The following EZR variants were observed in gnomAD, a reference collection of about 807,000 sequenced individuals.
EZR encodes the protein cytovillin 2.
A neutral mutation model predicts 74.8 loss-of-function variants in EZR; 40 were observed. The ratio of observed to expected loss-of-function variants is 0.53; its 90% CI spans 0.42 to 0.70. The LOEUF is 0.70. Among genes scored for constraint, EZR ranks in the 30% least tolerant of loss-of-function variants. EZR has a pLI of 0.00. For missense variants in EZR, 678 were observed against 755.8 expected (o/e 0.90, Z 1.21); for synonymous variants, 341 against 283.3 (o/e 1.20, Z -2.05).
chr6:158,786,375 AAAC>A lies in EZR; in HGVS notation c.192+730_192+732del, dbSNP rs368719176. ...GGCGACAGAGCAAGACTCCATCTCA[AAAC>A]AACAACAACAAAAAACAAACAAGTA... On this transcript the variant is annotated intron_variant, in intron 4 of 13. Coordinates refer to ENST00000367075, the MANE Select transcript of EZR (RefSeq NM_001111077.2). 6.3e-3 allele frequency among the ~76,000 whole-genome samples: 956 copies of A among 152,342 alleles called. 5 individuals are homozygous for A. Among genetic ancestry groups the A allele is most frequent in the Middle Eastern group, 0.024 (7 of 294 alleles).
intron 8 of EZR, among the ~76,000 whole-genome samples, chr6:158,775,034 CTTT>C (rs397732491): frequency 4.9e-5 from 6 of 121,536 alleles, no homozygotes; most frequent in Admixed American, 9.0e-5. Flanking sequence ...AGCAGGAGCC[CTTT>C]TTTTTTTTTT....
chr6:158,780,119 G>T (rs1373652798), intron 7 of EZR, among the ~76,000 whole-genome samples: 1 of 149,992 alleles, frequency 6.7e-6, no homozygotes, highest in African/African-American at 2.5e-5. Context: ...GGAGGCAGAG[G>T]TTACAGTGAG....
rs2128564709 is a variant in EZR at position 158,769,777 on chromosome 6, T to C, written c.1251+7A>G. 1 of 1,613,626 alleles carries C rather than the reference T, an allele frequency of 6.2e-7. No individual in the cohort carries two copies. The highest frequency in any genetic ancestry group is 1.1e-5 in the South Asian group (1 of 91,078). The stretch of plus-strand genomic sequence containing the variant: ...ATTCAGCATCTTGAAACTCAGGCCA[T>C]TCCTACCAGCTGCTCCTGGCTCTTT... On this transcript the variant is annotated splice_region_variant and intron_variant, in intron 11 of 13. Coordinates refer to ENST00000367075, the MANE Select transcript of EZR (RefSeq NM_001111077.2).
intron 12 of EZR, among the ~76,000 whole-genome samples, chr6:158,768,654 C>T (rs745428799): frequency 3.9e-5 from 6 of 152,134 alleles, no homozygotes; most frequent in Non-Finnish European, 5.9e-5. Flanking sequence ...CACAGGGGAT[C>T]CCAGACGGAG....
rs866885930 is a variant in EZR at position 158,812,886 on chromosome 6, T to C, written c.12+5196A>G. ...ACCCATCACCAGGCACTATCAATTC[T>C]ACCTCCCAAAGAACTCTCAAATGCA... On this transcript the variant is annotated intron_variant, in intron 2 of 13. Coordinates refer to ENST00000367075, the MANE Select transcript of EZR (RefSeq NM_001111077.2). Among the ~76,000 whole-genome samples the C allele has an allele frequency of 4.6e-5, 7 of 152,098 alleles. 1 individual carries two copies. The highest frequency in any genetic ancestry group is 7.4e-5 in the Non-Finnish European group (5 of 68,008).
intron 2 of EZR, among the ~76,000 whole-genome samples, chr6:158,817,025 C>T (rs1777571978): frequency 6.6e-6 from 1 of 152,112 alleles, no homozygotes; most frequent in African/African-American, 2.4e-5. Context: ...GCAGAGGTTG[C>T]AGTGAGCCGA....
intron 8 of EZR, among the ~76,000 whole-genome samples, chr6:158,775,096 G>A (rs9347253): frequency 0.41 from 59,670 of 146,720 alleles, 12,765 homozygotes; most frequent in Non-Finnish European, 0.48. Flanking sequence ...GTGCAGTGGC[G>A]ATCTCAGCTC....
At chr6:158,814,179 C>T (rs914678773) in intron 2 of EZR, among the ~76,000 whole-genome samples, 3 of 152,162 alleles carry the variant, frequency 2.0e-5, no homozygotes, top group Non-Finnish European at 4.4e-5. Flanking sequence ...CCTCCTTGGA[C>T]GTCAGCCAGT....
At chr6:158,816,698 T>C (rs911490148) in intron 2 of EZR, among the ~76,000 whole-genome samples, 1 of 145,208 alleles carries the variant, frequency 6.9e-6, no homozygotes, top group African/African-American at 2.6e-5. Context: ...AAAAATTATA[T>C]TGGCTTCTGA....
chr6:158,800,001 C>T (rs113568535), intron 2 of EZR, among the ~76,000 whole-genome samples: 345 of 152,154 alleles, frequency 2.3e-3, no homozygotes, highest in African/African-American at 7.7e-3. Context: ...AACCCAATGA[C>T]GACTTTTTAC....
chr6:158,816,965 AT>A (rs1777570289), intron 2 of EZR, among the ~76,000 whole-genome samples: 1 of 152,102 alleles, frequency 6.6e-6, no homozygotes, highest in South Asian at 2.1e-4. Flanking sequence ...CATGCCTGTA[AT>A]CCCAACTACT....
intron 3 of EZR, among the ~76,000 whole-genome samples, chr6:158,787,508 C>T (rs1229390183): frequency 1.3e-5 from 2 of 152,180 alleles, no homozygotes; most frequent in Non-Finnish European, 2.9e-5. Context: ...CTGCATGAAA[C>T]TCAGCAGGGC....
chr6:158,776,060 A>C (rs1791268600), intron 8 of EZR, among the ~76,000 whole-genome samples: 1 of 152,120 alleles, frequency 6.6e-6, no homozygotes, highest in Non-Finnish European at 1.5e-5. Context: ...GGCCCTTGAG[A>C]CTCGCAGGTC....
At chr6:158,784,457 G>C (rs947297742) in intron 6 of EZR, among the ~76,000 whole-genome samples, 187 bp downstream of exon 6, 1 of 152,172 alleles carries the variant, frequency 6.6e-6, no homozygotes, top group African/African-American at 2.4e-5. Flanking sequence ...TCTTTCCCCA[G>C]GCAAGACACC....
chr6:158,769,469 G>A (rs2128564328), intron 11 of EZR, 51 bp from the exon 12 acceptor site: 1 of 1,559,276 alleles, frequency 6.4e-7, no homozygotes. Flanking sequence ...TTTCAACGGA[G>A]TCCAGTTGTG....
intron 8 of EZR, among the ~76,000 whole-genome samples, chr6:158,774,154 A>G (rs755193678): frequency 6.6e-6 from 1 of 152,298 alleles, no homozygotes; most frequent in Middle Eastern, 3.4e-3. Flanking sequence ...TTTTTACAAG[A>G]AAGTTCGATG....
chr6:158,802,601 G>A (rs987281295), intron 2 of EZR, among the ~76,000 whole-genome samples: 2 of 152,174 alleles, frequency 1.3e-5, no homozygotes, highest in South Asian at 2.1e-4. Flanking sequence ...GCGCAATCTC[G>A]GCTCACTGCA....
At chr6:158,789,441 C>A in intron 2 of EZR, 70 bp from the exon 3 acceptor site, 1 of 1,357,638 alleles carries the variant, frequency 7.4e-7, no homozygotes, top group South Asian at 1.2e-5. Flanking sequence ...CCTGCACCTT[C>A]TACATAAGCT....
chr6:158,776,620 C>A, intron 7 of EZR, 116 bp from the exon 8 acceptor site: 1 of 715,618 alleles, frequency 1.4e-6, no homozygotes. Context: ...GAAGCTAACC[C>A]AAGAGGCACA....
Sources: allele counts gnomAD v4.1 joint callset (sites outside exome capture counted in the v4.1 genomes callset), GRCh38; gene constraint gnomAD v4.1.1; transcripts MANE v1.5; gene names NCBI Gene and HGNC (gene_info 2026-07-23, HGNC 2026-07-21).